EGF: variants seen among roughly 807,000 people sequenced by gnomAD.
EGF encodes pro-epidermal growth factor.
In EGF, 95 loss-of-function variants were observed where a neutral mutation model predicts 143.8. The ratio of observed to expected loss-of-function variants is 0.66; its 90% CI spans 0.56 to 0.78. EGF has a LOEUF of 0.78. EGF is among the 30% of genes least tolerant of loss of function. The pLI, the probability that EGF is intolerant of heterozygous loss-of-function variation, is 0.00. For synonymous variants in EGF, 510 were observed against 510.5 expected (o/e 1.00, Z 0.01); for missense variants, 1,320 against 1,470.9 (o/e 0.90, Z 1.68).
chr4:109,917,680 G>A lies in EGF; in HGVS notation c.127+4218G>A, dbSNP rs557222361. Among the ~76,000 whole-genome samples, 8 of 152,160 alleles carry A rather than the reference G, an allele frequency of 5.3e-5. No homozygotes were observed. The East Asian group carries it at 9.7e-4, about 18-fold the overall frequency. On this transcript the variant is annotated intron_variant, in intron 1 of 23. Transcript: ENST00000265171. ...CTGTCGCCCAGGCTGGAGTACAGTG[G>A]CATGATCTTGGCTCACTGCAACCTC...
At chr4:109,951,177 A>AAAATAAAATAAAAT (rs1210727105) in intron 5 of EGF, among the ~76,000 whole-genome samples, 1 of 150,766 alleles carries the variant, frequency 6.6e-6, no homozygotes, top group African/African-American at 2.4e-5. Flanking sequence ...AAAATAAAAT[A>AAAATAAAATAAAAT]AAATAAAATA....
chr4:109,916,203 G>A (rs991155458), intron 1 of EGF, among the ~76,000 whole-genome samples: 1 of 152,130 alleles, frequency 6.6e-6, no homozygotes, highest in Non-Finnish European at 1.5e-5. Context: ...TTTCAGTACC[G>A]GCTAAGGCGT....
At chr4:109,972,534 A>G (rs991704269) in intron 11 of EGF, among the ~76,000 whole-genome samples, 1 of 152,198 alleles carries the variant, frequency 6.6e-6, no homozygotes, top group African/African-American at 2.4e-5. Context: ...CCCTCCCACC[A>G]AGGGAAGAGG....
At chr4:110,001,851 A>G in intron 21 of EGF, 2 of 985,448 alleles carry the variant, frequency 2.0e-6, no homozygotes, top group Non-Finnish European at 2.4e-6. Flanking sequence ...CTTCACTGAA[A>G]TGCATCCAGA....
intron 1 of EGF, among the ~76,000 whole-genome samples, chr4:109,916,149 G>A (rs1736607093): frequency 6.6e-6 from 1 of 152,134 alleles, no homozygotes; most frequent in African/African-American, 2.4e-5. Context: ...ATCCTGGGGT[G>A]GCACTAAGTT....
At chr4:109,916,991 A>C (rs1195938033) in intron 1 of EGF, among the ~76,000 whole-genome samples, 1 of 152,176 alleles carries the variant, frequency 6.6e-6, no homozygotes, top group African/African-American at 2.4e-5. Flanking sequence ...TTGAGTAAGT[A>C]CCTTTGTGAA....
intron 23 of EGF, among the ~76,000 whole-genome samples, chr4:110,009,013 T>C (rs560416237): frequency 5.3e-5 from 8 of 152,332 alleles, no homozygotes; most frequent in African/African-American, 1.7e-4. Flanking sequence ...TCAACTCCAA[T>C]TGAATTTTCT....
rs1248817535 is a variant in EGF at position 109,922,292 on chromosome 4, T to A, written c.127+8830T>A. On this transcript the variant is annotated intron_variant, in intron 1 of 23. Coordinates refer to ENST00000265171, the MANE Select transcript of EGF (RefSeq NM_001963.6). ...TTACTCTAATGAATCATGGCAAAGA[T>A]TTCATGTAAGTGGGAAAAAATGAGG... Among the ~76,000 whole-genome samples, 8 of 151,608 alleles carry A rather than the reference T, an allele frequency of 5.3e-5. No individual in the cohort carries two copies. In the East Asian group the frequency reaches 1.2e-3, roughly 22 times the overall value.
chr4:109,988,571 A>G lies in EGF; in HGVS notation c.2609-13A>G. The G allele has an allele frequency of 1.2e-6, 2 of 1,613,936 alleles. No homozygotes were observed. Among genetic ancestry groups the G allele is most frequent in the Non-Finnish European group, 1.7e-6 (2 of 1,179,840 alleles). ...TGCCTAAATATTGCACTAGTTCATAATTTTGCCCACAGATATAGATGAATG... is the reference window on the plus strand; with the variant it reads ...TGCCTAAATATTGCACTAGTTCATAGTTTTGCCCACAGATATAGATGAATG... On this transcript the variant is annotated splice_polypyrimidine_tract_variant and intron_variant, in intron 17 of 23. Coordinates refer to ENST00000265171, the MANE Select transcript of EGF (RefSeq NM_001963.6).
chr4:109,954,945 AC>A (rs1225301925), intron 5 of EGF, among the ~76,000 whole-genome samples: 2 of 152,238 alleles, frequency 1.3e-5, no homozygotes, highest in African/African-American at 4.8e-5. Context: ...CAAATACTTT[AC>A]AAAGTGTTAT....
intron 23 of EGF, 66 bp downstream of exon 23, chr4:110,008,296 G>A: frequency 1.3e-6 from 2 of 1,575,608 alleles, no homozygotes; most frequent in South Asian, 1.1e-5. Context: ...GTTTTTCAAT[G>A]AAAAGTCTCA....
chr4:110,009,724 G>T (rs899167374), intron 23 of EGF, among the ~76,000 whole-genome samples: 4 of 152,064 alleles, frequency 2.6e-5, no homozygotes, highest in Non-Finnish European at 5.9e-5. Flanking sequence ...AGATTGGGGT[G>T]GGGGGAGATT....
chr4:109,936,224 G>T (rs1386150325), intron 1 of EGF, among the ~76,000 whole-genome samples: 2 of 152,100 alleles, frequency 1.3e-5, no homozygotes, highest in Admixed American at 6.6e-5. Context: ...CAATTTCAGA[G>T]CCTGTTATTG....
intron 5 of EGF, among the ~76,000 whole-genome samples, chr4:109,949,990 G>A (rs1743572090): frequency 6.6e-6 from 1 of 152,158 alleles, no homozygotes. Flanking sequence ...ATTTTCTGAT[G>A]ATCTGACCAG....
intron 1 of EGF, among the ~76,000 whole-genome samples, chr4:109,916,490 G>A (rs745473903): frequency 3.9e-5 from 6 of 152,002 alleles, no homozygotes; most frequent in African/African-American, 7.3e-5. Context: ...ACCCTCTTCC[G>A]AGGACTCTTG....
chr4:110,008,935 G>A (rs1753666244), intron 23 of EGF, among the ~76,000 whole-genome samples: 1 of 152,152 alleles, frequency 6.6e-6, no homozygotes, highest in African/African-American at 2.4e-5. Flanking sequence ...TGAGCCTTTG[G>A]AAAGGTTTAG....
chr4:109,924,393 T>C (rs1403780774), intron 1 of EGF, among the ~76,000 whole-genome samples: 5 of 151,792 alleles, frequency 3.3e-5, no homozygotes, highest in Non-Finnish European at 7.3e-5. Context: ...TCTAGTTCTC[T>C]ATGTTGAAAG....
intron 11 of EGF, among the ~76,000 whole-genome samples, chr4:109,972,380 G>A (rs1038626121): frequency 6.6e-6 from 1 of 152,132 alleles, no homozygotes; most frequent in East Asian, 1.9e-4. Context: ...AGCTTATGTC[G>A]TTCTCGTCTC....
At chr4:109,919,520 G>T (rs1433789502) in intron 1 of EGF, among the ~76,000 whole-genome samples, 1 of 152,070 alleles carries the variant, frequency 6.6e-6, no homozygotes, top group African/African-American at 2.4e-5. Context: ...AACAGGTCTG[G>T]TCATGGCCAG....
Sources: allele counts gnomAD v4.1 joint callset (sites outside exome capture counted in the v4.1 genomes callset), GRCh38; gene constraint gnomAD v4.1.1; transcripts MANE v1.5; gene names NCBI Gene and HGNC (gene_info 2026-07-23, HGNC 2026-07-21).